The following CAST variants were observed in gnomAD, a reference collection of about 807,000 sequenced individuals.
The protein encoded by CAST is calpastatin.
In CAST, 76 loss-of-function variants were observed where a neutral mutation model predicts 119.6. That is an observed-to-expected ratio of 0.64 (90% CI 0.53 to 0.77). The LOEUF (loss-of-function observed/expected upper bound fraction) is 0.77. CAST is among the 30% of genes least tolerant of loss of function. CAST has a pLI of 0.00. For missense variants in CAST, 953 were observed against 946.5 expected (o/e 1.01, Z -0.09); for synonymous variants, 319 against 331.6 (o/e 0.96, Z 0.41).
chr5:96,222,516 A>C, the CAST span, among the ~76,000 whole-genome samples: 1 of 152,336 alleles, frequency 6.6e-6, no homozygotes, highest in South Asian at 2.1e-4. Flanking sequence ...CAAAATGCTC[A>C]ACATCCCTAA....
chr5:96,271,827 C>T, the CAST span, among the ~76,000 whole-genome samples: 1 of 152,248 alleles, frequency 6.6e-6, no homozygotes, highest in East Asian at 1.9e-4. Flanking sequence ...AGACACCTCA[C>T]AGAATGGGAG....
At chr5:96,242,108 C>T in the CAST span, among the ~76,000 whole-genome samples, 2 of 147,476 alleles carry the variant, frequency 1.4e-5, no homozygotes, top group Non-Finnish European at 3.0e-5. Flanking sequence ...GTTGCCATTG[C>T]TTTTGGTGTT....
At chr5:96,660,018 T>C (rs532098693), upstream of CAST, among the ~76,000 whole-genome samples, 1 of 152,368 alleles carries the variant, frequency 6.6e-6, no homozygotes, top group African/African-American at 2.4e-5. Flanking sequence ...ACTTTTAAGC[T>C]AAGCCTGAAG....
chr5:96,292,110 G>A, the CAST span, among the ~76,000 whole-genome samples: 23 of 152,154 alleles, frequency 1.5e-4, no homozygotes, highest in South Asian at 1.9e-3. Context: ...GAAAAAAGAC[G>A]CATATGTTAA....
At chr5:96,412,309 G>T in the CAST span, 11 of 1,612,072 alleles carry the variant, frequency 6.8e-6, no homozygotes, top group Non-Finnish European at 6.8e-6. Context: ...TCTGTGTAAA[G>T]CATCTTACCT....
intron 1 of CAST, among the ~76,000 whole-genome samples, chr5:96,591,812 A>G (rs1417316099): frequency 6.6e-6 from 1 of 151,660 alleles, no homozygotes; most frequent in African/African-American, 2.4e-5. Flanking sequence ...GGAGAAAAGC[A>G]GTACTGTTTA....
intron 2 of CAST, among the ~76,000 whole-genome samples, chr5:96,688,354 T>C (rs964779497): frequency 2.0e-5 from 3 of 152,194 alleles, no homozygotes; most frequent in Non-Finnish European, 4.4e-5. Context: ...AAGAAAAGCC[T>C]TTTTGACCCA....
chr5:96,299,431 T>C, the CAST span, among the ~76,000 whole-genome samples: 11 of 152,208 alleles, frequency 7.2e-5, no homozygotes, highest in Non-Finnish European at 1.3e-4. Context: ...TGGCTTCTAG[T>C]AGCTAACTGA....
the CAST span, among the ~76,000 whole-genome samples, chr5:96,283,101 A>AG: frequency 6.9e-6 from 1 of 145,486 alleles, no homozygotes; most frequent in African/African-American, 2.6e-5. Context: ...CTGCACTCCC[A>AG]CCTGGGCCAC....
At chr5:96,398,858 C>A in the CAST span, 10 of 1,599,388 alleles carry the variant, frequency 6.3e-6, no homozygotes, top group Non-Finnish European at 7.7e-6. Context: ...ATATAAATGG[C>A]TTAGAACTTT....
At chr5:96,662,904 A>G (rs920240423) in intron 1 of CAST, 2 of 576,870 alleles carry the variant, frequency 3.5e-6, no homozygotes, top group Admixed American at 3.2e-5. Context: ...CTGGAGACGC[A>G]GAGCCTCTTC....
the CAST span, among the ~76,000 whole-genome samples, chr5:96,485,430 C>T: frequency 6.6e-6 from 1 of 152,022 alleles, no homozygotes; most frequent in Admixed American, 6.6e-5. Flanking sequence ...AATCAGCTTG[C>T]AATTTTATTT....
At chr5:96,709,379 C>T (rs754622444) in intron 3 of CAST, among the ~76,000 whole-genome samples, 5 of 152,222 alleles carry the variant, frequency 3.3e-5, no homozygotes, top group East Asian at 1.9e-4. Context: ...CTGATATCCC[C>T]GTGAGTCATT....
upstream of CAST, among the ~76,000 whole-genome samples, chr5:96,527,687 C>T (rs918529280): frequency 2.0e-5 from 3 of 152,200 alleles, no homozygotes; most frequent in African/African-American, 7.2e-5. Context: ...TCTGAAACCT[C>T]TCAGAAAAGC....
At chr5:96,626,807 G>A (rs1050124483) in intron 1 of CAST, among the ~76,000 whole-genome samples, 3 of 152,088 alleles carry the variant, frequency 2.0e-5, no homozygotes, top group African/African-American at 7.3e-5. Context: ...TCCTTCCATC[G>A]CCGAGGCCTG....
the CAST span, among the ~76,000 whole-genome samples, chr5:96,085,083 GGAA>G: frequency 6.6e-6 from 1 of 152,090 alleles, no homozygotes; most frequent in Non-Finnish European, 1.5e-5. Flanking sequence ...TACTTAACCA[GGAA>G]GTATCCTACA....
chr5:96,145,229 T>A, the CAST span, among the ~76,000 whole-genome samples: 1 of 152,236 alleles, frequency 6.6e-6, no homozygotes, highest in African/African-American at 2.4e-5. Flanking sequence ...AGAACTAGGA[T>A]AATGCTTTTG....
the CAST span, among the ~76,000 whole-genome samples, chr5:96,085,004 G>T: frequency 8.1e-3 from 1,228 of 152,266 alleles, 16 homozygotes; most frequent in African/African-American, 0.028. Flanking sequence ...TGAATTCTTT[G>T]ACTTTTAATC....
the CAST span, among the ~76,000 whole-genome samples, chr5:96,469,876 TA>T: frequency 4.0e-5 from 4 of 100,134 alleles, no homozygotes; most frequent in South Asian, 5.4e-4. Flanking sequence ...TATATATATA[TA>T]TAATATATAT....
Sources: gnomAD v4.1 joint callset for allele counts (sites outside exome capture counted in the v4.1 genomes callset) on GRCh38, gnomAD v4.1.1 for gene constraint, MANE v1.5 for transcripts, NCBI Gene and HGNC (gene_info 2026-07-23, HGNC 2026-07-21) for gene names.